The following DIAPH2 variants were observed in gnomAD, a reference collection of about 807,000 sequenced individuals.
DIAPH2 encodes the protein protein diaphanous homolog 2.
A neutral mutation model predicts 92.7 loss-of-function variants in DIAPH2; 35 were observed. The observed-to-expected ratio is 0.38, with a 90% confidence interval of 0.29 to 0.50. DIAPH2 has a LOEUF of 0.50. Ranked by LOEUF, DIAPH2 falls within the 20% of genes least tolerant of loss-of-function variation. The probability of loss-of-function intolerance (pLI) is 0.94; values close to 1 mark genes in which losing one functional copy is unlikely to be tolerated. For missense variants in DIAPH2, 701 were observed against 819.5 expected, an observed-to-expected ratio of 0.86 and a Z score of 1.77; for synonymous variants, 301 against 280.4, an observed-to-expected ratio of 1.07 and a Z score of -0.73.
Position 97,545,533 on chromosome X carries a change from AATATAT to A in DIAPH2, c.3242-53697_3242-53692del, listed in dbSNP as rs72373635. Among the ~76,000 whole-genome samples the A allele has an allele frequency of 1.2e-3, 96 of 79,335 alleles. 2 individuals are homozygous for A. Among genetic ancestry groups the A allele is most frequent in the African/African-American group, 4.3e-3 (87 of 20,181 alleles). The allele number at this position is 79,335 out of a possible 115,157, so 68.9% of individuals were successfully genotyped here. On this transcript the variant is annotated intron_variant, in intron 26 of 26. Transcript: ENST00000324765. Reference sequence around the variant, plus strand: ...TTTTTAAGTTTGATGAAAAAAAAAAAATATATATATATATATATATATATATATTCT... The same window carrying A: ...TTTTTAAGTTTGATGAAAAAAAAAAAATATATATATATATATATATATTCT...
intron 21 of DIAPH2, among the ~76,000 whole-genome samples, chrX:97,127,613 G>T (rs192829176): frequency 1.8e-3 from 197 of 112,507 alleles, no homozygotes; most frequent in African/African-American, 6.2e-3. Context: ...TTGTTATTTT[G>T]TTAGAAGTAA....
chrX:97,278,434 A>G (rs1381182081), intron 23 of DIAPH2, among the ~76,000 whole-genome samples: 1 of 111,414 alleles, frequency 9.0e-6, no homozygotes, highest in East Asian at 2.8e-4. Flanking sequence ...ATAGCATTAT[A>G]CAGAATAGTT....
intron 26 of DIAPH2, among the ~76,000 whole-genome samples, chrX:97,459,835 G>A (rs1241282671): frequency 9.0e-6 from 1 of 111,676 alleles, no homozygotes; most frequent in Non-Finnish European, 1.9e-5. Context: ...AAGCTCTCTG[G>A]GTTCAAATCC....
chrX:97,388,235 T>A (rs746354324), intron 25 of DIAPH2, among the ~76,000 whole-genome samples: 3 of 112,052 alleles, frequency 2.7e-5, no homozygotes, highest in Non-Finnish European at 3.8e-5. Flanking sequence ...AGTTTTCTGC[T>A]TTGTCACAGC....
chrX:96,720,953 G>C (rs1162468949), intron 1 of DIAPH2, among the ~76,000 whole-genome samples: 2 of 111,285 alleles, frequency 1.8e-5, no homozygotes, highest in African/African-American at 6.5e-5. Flanking sequence ...ATTGTATACT[G>C]GTTTTCCTTG....
chrX:97,145,697 C>T (rs1323173678), intron 22 of DIAPH2, among the ~76,000 whole-genome samples: 2 of 110,349 alleles, frequency 1.8e-5, no homozygotes, highest in African/African-American at 6.6e-5. Flanking sequence ...ATATCAATCC[C>T]TACTCTCAAA....
intron 25 of DIAPH2, among the ~76,000 whole-genome samples, chrX:97,409,947 A>T (rs1043461926): frequency 1.8e-5 from 2 of 112,898 alleles, no homozygotes; most frequent in African/African-American, 6.4e-5. Context: ...GGGGCAGGGC[A>T]TAGCTGAACA....
chrX:96,773,639 C>T (rs2064355343), intron 4 of DIAPH2, among the ~76,000 whole-genome samples: 1 of 111,326 alleles, frequency 9.0e-6, no homozygotes, highest in Non-Finnish European at 1.9e-5. Flanking sequence ...CACTTGAGGT[C>T]AGGAGTTTGA....
At chrX:96,912,250 T>C (rs989851509) in intron 5 of DIAPH2, 78 bp from the exon 6 acceptor site, 41 of 814,894 alleles carry the variant, frequency 5.0e-5, no homozygotes, top group Non-Finnish European at 7.0e-5. Flanking sequence ...GATTTGAAAA[T>C]TAAAATTTTA....
chrX:96,868,777 C>G (rs1156361552), intron 4 of DIAPH2, among the ~76,000 whole-genome samples: 1 of 111,636 alleles, frequency 9.0e-6, no homozygotes, highest in African/African-American at 3.3e-5. Flanking sequence ...TTCATGCTGA[C>G]TGGTAATATT....
chrX:96,974,675 G>A (rs1208964147), intron 17 of DIAPH2, among the ~76,000 whole-genome samples: 3 of 111,194 alleles, frequency 2.7e-5, no homozygotes, highest in Non-Finnish European at 3.8e-5. Context: ...TGTAAGTGTT[G>A]GAATTTGTAT....
chrX:97,384,117 A>G, intron 25 of DIAPH2, 73 bp downstream of exon 25: 1 of 911,650 alleles, frequency 1.1e-6, no homozygotes, highest in Admixed American at 3.1e-5. Flanking sequence ...TTTTTGGATT[A>G]TAAAGTAAAT....
At chrX:97,446,270 A>T (rs1162817585) in intron 26 of DIAPH2, among the ~76,000 whole-genome samples, 1 of 112,549 alleles carries the variant, frequency 8.9e-6, no homozygotes, top group Non-Finnish European at 1.9e-5. Flanking sequence ...ATATCTTTTC[A>T]TAAAAGTTCC....
intron 23 of DIAPH2, among the ~76,000 whole-genome samples, chrX:97,250,662 A>T (rs2068181416): frequency 9.0e-6 from 1 of 111,718 alleles, no homozygotes; most frequent in Non-Finnish European, 1.9e-5. Context: ...TATGCCTACC[A>T]CCTAGCACAG....
intron 23 of DIAPH2, among the ~76,000 whole-genome samples, chrX:97,256,934 A>T (rs1462537313): frequency 9.1e-6 from 1 of 110,216 alleles, no homozygotes; most frequent in Non-Finnish European, 1.9e-5. Context: ...AAGTGTTGGG[A>T]TTACAGGTGT....
intron 22 of DIAPH2, among the ~76,000 whole-genome samples, chrX:97,145,054 C>T (rs960648111): frequency 7.2e-5 from 8 of 111,836 alleles, no homozygotes; most frequent in African/African-American, 1.3e-4. Context: ...CGTGAGCCAC[C>T]GCACCAGGCC....
At chrX:97,095,050 T>A (rs1294673043) in intron 19 of DIAPH2, among the ~76,000 whole-genome samples, 1 of 106,430 alleles carries the variant, frequency 9.4e-6, no homozygotes, top group Non-Finnish European at 1.9e-5. Context: ...AGATGTGTTA[T>A]GATGATAGAG....
At chrX:96,688,706 C>T (rs2063784055) in intron 1 of DIAPH2, among the ~76,000 whole-genome samples, 1 of 112,305 alleles carries the variant, frequency 8.9e-6, no homozygotes, top group Non-Finnish European at 1.9e-5. Context: ...TGAGTACCTA[C>T]TGTGTGCTAG....
intron 22 of DIAPH2, among the ~76,000 whole-genome samples, chrX:97,245,903 CT>C (rs748187119): frequency 6.6e-4 from 65 of 97,973 alleles, no homozygotes; most frequent in Admixed American, 1.1e-3. Flanking sequence ...TTTGTCTTCA[CT>C]TTTTTTTTTT....
Sources: allele counts gnomAD v4.1 joint callset (sites outside exome capture counted in the v4.1 genomes callset), GRCh38; gene constraint gnomAD v4.1.1; transcripts MANE v1.5; gene names NCBI Gene and HGNC (gene_info 2026-07-23, HGNC 2026-07-21).